Variants in LRRC49 observed in about 807,000 individuals in gnomAD.
The protein encoded by LRRC49 is leucine rich repeat containing 49.
In LRRC49, 50 loss-of-function variants were observed where a neutral mutation model predicts 83.3. That is an observed-to-expected ratio of 0.60 (90% CI 0.48 to 0.76). The LOEUF is 0.76. LRRC49 is among the 30% of genes least tolerant of loss of function. The pLI is 0.00. For missense variants in LRRC49, 704 were observed against 809.1 expected, an observed-to-expected ratio of 0.87 and a Z score of 1.58; for synonymous variants, 286 against 283.3, an observed-to-expected ratio of 1.01 and a Z score of -0.10.
At chr15:70,987,658 T>A (rs2037682178) in intron 11 of LRRC49, among the ~76,000 whole-genome samples, 2 of 152,196 alleles carry the variant, frequency 1.3e-5, no homozygotes, top group South Asian at 4.1e-4. Context: ...TGATTTTAGT[T>A]ATTTCTTGCC....
At chr15:70,932,856 A>G (rs1473367681) in intron 7 of LRRC49, among the ~76,000 whole-genome samples, 2 of 151,042 alleles carry the variant, frequency 1.3e-5, no homozygotes, top group Admixed American at 6.6e-5. Context: ...CAGCCTCCCA[A>G]GTAGCTGGGA....
intron 1 of LRRC49, chr15:70,858,926 C>T: frequency 1.3e-6 from 1 of 782,318 alleles, no homozygotes; most frequent in Non-Finnish European, 2.3e-6. Context: ...TCAACCAGAG[C>T]CTGCTGAGCC....
chr15:70,988,522 A>C (rs1464815053), intron 11 of LRRC49, among the ~76,000 whole-genome samples: 1 of 152,014 alleles, frequency 6.6e-6, no homozygotes, highest in Non-Finnish European at 1.5e-5. Flanking sequence ...TTTTGAGCCT[A>C]TGTGTGTCTC....
intron 7 of LRRC49, among the ~76,000 whole-genome samples, chr15:70,924,680 T>G (rs2035130679): frequency 6.6e-6 from 1 of 152,042 alleles, no homozygotes; most frequent in Non-Finnish European, 1.5e-5. Context: ...CATGCTTGTT[T>G]GGGTTCACCA....
intron 2 of LRRC49, chr15:70,882,486 T>C (rs890742613): frequency 1.2e-6 from 2 of 1,613,394 alleles, no homozygotes; most frequent in Non-Finnish European, 1.7e-6. Context: ...TGTACAGCCA[T>C]ATAAGACAAA....
At chr15:71,017,584 A>T (rs1304303411) in intron 14 of LRRC49, among the ~76,000 whole-genome samples, 1 of 152,192 alleles carries the variant, frequency 6.6e-6, no homozygotes, top group Non-Finnish European at 1.5e-5. Context: ...ACAAGAAGAA[A>T]TATGAATAGC....
chr15:70,882,918 C>A (rs1272771342), intron 2 of LRRC49: 3 of 1,613,508 alleles, frequency 1.9e-6, no homozygotes, highest in Non-Finnish European at 2.5e-6. Context: ...TCTAAAAATA[C>A]AAATCAGAGG....
intron 15 of LRRC49, among the ~76,000 whole-genome samples, chr15:71,042,530 T>C (rs374345690): frequency 6.6e-6 from 1 of 152,286 alleles, no homozygotes; most frequent in African/African-American, 2.4e-5. Flanking sequence ...AGTCCCTTAA[T>C]CACTCTCTCG....
intron 8 of LRRC49, among the ~76,000 whole-genome samples, chr15:70,947,133 T>C (rs577510026): frequency 6.6e-5 from 10 of 152,184 alleles, no homozygotes; most frequent in Non-Finnish European, 1.3e-4. Context: ...ATGACCTACT[T>C]CAGGGATTAT....
intron 1 of LRRC49, among the ~76,000 whole-genome samples, chr15:70,855,856 A>G (rs2141065685): frequency 6.6e-6 from 1 of 152,334 alleles, no homozygotes; most frequent in Middle Eastern, 3.4e-3. Context: ...TTTTCCAGCC[A>G]GCTGTGCCTC....
intron 7 of LRRC49, among the ~76,000 whole-genome samples, chr15:70,933,850 C>T (rs1399251705): frequency 6.6e-6 from 1 of 152,136 alleles, no homozygotes; most frequent in African/African-American, 2.4e-5. Flanking sequence ...GAGTCTTGGA[C>T]CATGATGTTA....
intron 8 of LRRC49, among the ~76,000 whole-genome samples, chr15:70,937,453 C>A (rs191330234): frequency 6.6e-6 from 1 of 152,132 alleles, no homozygotes; most frequent in South Asian, 2.1e-4. Context: ...TTCCCTAATT[C>A]TTTCCTTCTC....
At chr15:70,880,199 G>C (rs915545533) in intron 2 of LRRC49, among the ~76,000 whole-genome samples, 1 of 152,090 alleles carries the variant, frequency 6.6e-6, no homozygotes, top group African/African-American at 2.4e-5. Flanking sequence ...TCCTCAGAGA[G>C]GTCTTTTCTG....
chr15:70,902,169 T>C (rs1420031952), intron 4 of LRRC49, among the ~76,000 whole-genome samples: 1 of 152,180 alleles, frequency 6.6e-6, no homozygotes, highest in Non-Finnish European at 1.5e-5. Context: ...TATTTTAATG[T>C]TTTGAGGGAT....
chr15:70,892,477 C>T (rs2033623093), upstream of LRRC49: 1 of 1,530,430 alleles, frequency 6.5e-7, no homozygotes, highest in South Asian at 1.2e-5. Context: ...CCTCCTCCTC[C>T]TCCCTGCGCT....
intron 1 of LRRC49, chr15:70,872,851 C>G (rs114357303): frequency 0.013 from 2,734 of 212,206 alleles, 78 homozygotes; most frequent in African/African-American, 0.059. Context: ...AGAAATGGCT[C>G]TGGCTCAAAA....
intron 11 of LRRC49, among the ~76,000 whole-genome samples, chr15:70,996,501 CT>C (rs1053001535): frequency 6.6e-6 from 1 of 151,862 alleles, no homozygotes; most frequent in African/African-American, 2.4e-5. Flanking sequence ...GCTACTCTCT[CT>C]TTTTTTTAAG....
intron 1 of LRRC49, among the ~76,000 whole-genome samples, chr15:70,866,843 C>A (rs543480561): frequency 1.3e-5 from 2 of 151,932 alleles, no homozygotes; most frequent in Admixed American, 6.6e-5. Flanking sequence ...AGATTTGAAT[C>A]CCCCAGGGTC....
Position 70,980,042 on chromosome 15 carries a change from T to C in LRRC49, c.922-59T>C. On this transcript the variant is annotated intron_variant, in intron 9 of 15. Transcript: ENST00000260382. ...AAACTGTGCTTAATAGGACCAATGA[T>C]ATTTAGCATTAAAAAATGGTTAAAC... The C allele has an allele frequency of 3.8e-6, 4 of 1,043,658 alleles. No homozygotes were observed. The South Asian group carries it at 4.3e-5, about 11-fold the overall frequency. The allele number at this position is 1,043,658 out of a possible 1,614,324, so 64.6% of individuals were successfully genotyped here.
Sources: gnomAD v4.1 joint callset for allele counts (sites outside exome capture counted in the v4.1 genomes callset) on GRCh38, gnomAD v4.1.1 for gene constraint, MANE v1.5 for transcripts, NCBI Gene and HGNC (gene_info 2026-07-23, HGNC 2026-07-21) for gene names.